DENND3: variants seen among roughly 807,000 people sequenced by gnomAD.
DENND3 encodes DENN domain-containing protein 3.
In DENND3, 88 loss-of-function variants were observed where a neutral mutation model predicts 135.1. That is an observed-to-expected ratio of 0.65 (90% CI 0.55 to 0.78). The LOEUF (loss-of-function observed/expected upper bound fraction) is 0.78, where lower values mean the gene tolerates loss of function less well. Ranked by LOEUF, DENND3 falls within the 30% of genes least tolerant of loss-of-function variation. DENND3 has a pLI of 0.00. For missense variants in DENND3, 1,392 were observed against 1,688.4 expected, an observed-to-expected ratio of 0.82 and a Z score of 3.08; for synonymous variants, 693 against 712.3, an observed-to-expected ratio of 0.97 and a Z score of 0.43.
chr8:141,174,041 G>A lies in DENND3; in HGVS notation c.2276-1159G>A, dbSNP rs185187963. Among the ~76,000 whole-genome samples the A allele has an allele frequency of 7.0e-4, 107 of 152,154 alleles. 1 individual carries two copies. The highest frequency in any genetic ancestry group is 5.9e-5 in the Non-Finnish European group (4 of 68,030). ...ATGTCTCTGCCTTATCGGGGAAGGC[G>A]TGCGTGGGCATGCCTACCTGGGTGT... On this transcript the variant is annotated intron_variant, in intron 13 of 22. Transcript: ENST00000519811. The surrounding 1 kb of genome is among the most constrained non-coding windows in gnomAD (Gnocchi z 4.6).
intron 4 of DENND3, chr8:141,142,179 A>G: frequency 3.0e-6 from 1 of 336,088 alleles, no homozygotes; most frequent in Non-Finnish European, 5.9e-6. Flanking sequence ...TGCTTTTGTG[A>G]TGTTGGGGGC....
chr8:141,159,569 C>T (rs1273792832), intron 8 of DENND3, among the ~76,000 whole-genome samples: 1 of 152,204 alleles, frequency 6.6e-6, no homozygotes, highest in Non-Finnish European at 1.5e-5. Flanking sequence ...GTCTCTTTTC[C>T]TACTTCCTCC....
At position 141,175,578 on chromosome 8, in the gene DENND3, A is replaced by G; in HGVS notation, c.2535+119A>G. 6.7e-7 allele frequency: 1 copy of G among 1,483,664 alleles called. No individual in the cohort carries two copies. 91.9% of individuals were successfully genotyped at this position (1,483,664 alleles called of 1,614,324 possible). On this transcript the variant is annotated intron_variant, in intron 14 of 22. Transcript: ENST00000519811. The surrounding 1 kb of genome is among the most constrained non-coding windows in gnomAD (Gnocchi z 5.4). ...AGTACCAGCTGCAGCCCTTCTGCAG[A>G]CCGAATGCCTTCCTGTCCCTCAGTT... is the stretch of plus-strand genomic sequence containing the variant.
intron 5 of DENND3, 138 bp from the exon 6 acceptor site, chr8:141,150,696 G>A (rs2154612927): frequency 8.7e-7 from 1 of 1,144,812 alleles, no homozygotes; most frequent in African/African-American, 1.6e-5. Flanking sequence ...TTATTCTGCA[G>A]AATTTAACGT....
At chr8:141,161,385 C>G (rs1820115186) in intron 9 of DENND3, among the ~76,000 whole-genome samples, 1 of 152,230 alleles carries the variant, frequency 6.6e-6, no homozygotes, top group South Asian at 2.1e-4. Flanking sequence ...CCACTAATTA[C>G]AGCATTAGCT....
rs1351654653 is a variant in DENND3, at chr8:141,182,946, G to A, written c.2944+2092G>A. The stretch of plus-strand genomic sequence containing the variant: ...ACTGGAATCGCACCCCAGAAAGACC[G>A]GGAGGCCTGCCCTTCTGGACTCAGG... On this transcript the variant is annotated intron_variant, in intron 17 of 22. Coordinates refer to ENST00000519811, the MANE Select transcript of DENND3 (RefSeq NM_001352890.3). The surrounding 1 kb of genome is among the most constrained non-coding windows in gnomAD (Gnocchi z 5.9). 2.0e-5 allele frequency among the ~76,000 whole-genome samples: 3 copies of A among 152,334 alleles called. No individual in the cohort carries two copies. Among genetic ancestry groups the A allele is most frequent in the South Asian group, 2.1e-4 (1 of 4,828 alleles).
At chr8:141,142,523 T>G (rs1449696078) in intron 4 of DENND3, 4 of 378,218 alleles carry the variant, frequency 1.1e-5, no homozygotes, top group African/African-American at 2.2e-5. Flanking sequence ...GTGGTTTACT[T>G]CTTAAAATAT....
chr8:141,137,873 G>A lies in DENND3; in HGVS notation c.386-149G>A. On this transcript the variant is annotated intron_variant, in intron 2 of 22. Transcript: ENST00000519811. This position sits in a 1 kb window ranked among gnomAD's most constrained non-coding sequence, Gnocchi z 4.1. ...AGGGAGGATAGACGGCCGGAGGCGT[G>A]ATCGGAAGAATGAACCCGCCTTGGA... 3 of 699,922 alleles carry A rather than the reference G, an allele frequency of 4.3e-6. No homozygotes were observed. Among genetic ancestry groups the A allele is most frequent in the South Asian group, 4.0e-5 (2 of 50,562 alleles). 43.4% of individuals were successfully genotyped at this position (699,922 alleles called of 1,614,324 possible). A position where few individuals can be genotyped will look rare whatever the true frequency, so the allele number is the denominator to read the frequency against.
chr8:141,176,770 C>A lies in DENND3; in HGVS notation c.2706+9C>A. 1 of 1,611,258 alleles carries A rather than the reference C, an allele frequency of 6.2e-7. No individual in the cohort carries two copies. The highest frequency in any genetic ancestry group is 8.5e-7 in the Non-Finnish European group (1 of 1,178,198). On this transcript the variant is annotated intron_variant, in intron 15 of 22. Coordinates refer to ENST00000519811, the MANE Select transcript of DENND3 (RefSeq NM_001352890.3). ...TGGCCGATGACCACAAGGTGGGAGA[C>A]GCGGGTCCCCTCTGCCCTTTGCTGT...
rs368059800 is a variant in DENND3 at position 141,194,260 on chromosome 8, T to G, written c.*27T>G. On this transcript the variant is annotated 3_prime_UTR_variant, in exon 23 of 23. Coordinates refer to ENST00000519811, the MANE Select transcript of DENND3 (RefSeq NM_001352890.3). ...CGTGGCTGAGTCTGCCAAGTGGAAC[T>G]GTGCCCTATGTGTGGGGACTGGCTG... 18 of 1,602,860 alleles carry G rather than the reference T, an allele frequency of 1.1e-5. No individual in the cohort carries two copies. Among genetic ancestry groups the G allele is most frequent in the Non-Finnish European group, 1.5e-5 (18 of 1,176,182 alleles).
In DENND3 at chr8:141,175,406, C is replaced by A; in HGVS notation, c.2482C>A (p.Leu828Ile). Residue 828 changes from leucine to isoleucine, a missense_variant, in exon 14 of 23, where the codon CTA (leucine) becomes ATA (isoleucine). Leu to Ile is a conservative substitution (Grantham distance 5, BLOSUM62 2). Transcript: ENST00000519811. This position sits in a 1 kb window ranked among gnomAD's most constrained non-coding sequence, Gnocchi z 5.4. Reference sequence around the variant, plus strand: ...CATGACCCAGAAGCGCCTGTTCCTCCTAACCGAAGGAAGGCCAGGCTACTT... The same window carrying A: ...CATGACCCAGAAGCGCCTGTTCCTCATAACCGAAGGAAGGCCAGGCTACTT... ...IAMTQKRLFLLTEGRPGYLEI... is the reference protein window; with the variant it reads ...IAMTQKRLFLITEGRPGYLEI... 1 of 1,614,192 alleles carries A rather than the reference C, an allele frequency of 6.2e-7. No homozygotes were observed. Among genetic ancestry groups the A allele is most frequent in the Non-Finnish European group, 8.5e-7 (1 of 1,180,028 alleles).
intron 5 of DENND3, among the ~76,000 whole-genome samples, chr8:141,149,221 A>G (rs1311866048): frequency 6.6e-6 from 1 of 152,182 alleles, no homozygotes; most frequent in African/African-American, 2.4e-5. Flanking sequence ...AATTTGCCTT[A>G]TTTTTAACAT....
chr8:141,148,071 C>T (rs1818373348), intron 5 of DENND3, among the ~76,000 whole-genome samples: 1 of 152,140 alleles, frequency 6.6e-6, no homozygotes, highest in African/African-American at 2.4e-5. Flanking sequence ...TCAGTGTAGG[C>T]CAAGGTTCTC....
At chr8:141,186,700 T>A (rs1823936740) in intron 18 of DENND3, among the ~76,000 whole-genome samples, 1 of 152,222 alleles carries the variant, frequency 6.6e-6, no homozygotes, top group Non-Finnish European at 1.5e-5. Flanking sequence ...TGTTAATACA[T>A]TTTTAGTAGT....
chr8:141,193,734 A>G (rs1395910086), intron 22 of DENND3: 3 of 486,926 alleles, frequency 6.2e-6, no homozygotes, highest in Admixed American at 3.3e-5. Flanking sequence ...GCTAATTACC[A>G]TATCTGTCAC....
At chr8:141,158,296 C>T (rs1819696082) in intron 8 of DENND3, 1 of 1,283,272 alleles carries the variant, frequency 7.8e-7, no homozygotes, top group African/African-American at 1.5e-5. Context: ...TGGTAAGCCA[C>T]AGCTGCTTCC....
chr8:141,150,769 G>T, intron 5 of DENND3, 65 bp from the exon 6 acceptor site: 1 of 1,502,448 alleles, frequency 6.7e-7, no homozygotes. Flanking sequence ...AATAGTGACA[G>T]TAGTGCACGT....
chr8:141,179,924 C>T (rs572430618), intron 16 of DENND3, among the ~76,000 whole-genome samples: 22 of 152,282 alleles, frequency 1.4e-4, no homozygotes, highest in Middle Eastern at 6.8e-3. Flanking sequence ...GAGGTCGAGG[C>T]GCCCGCAGGG....
chr8:141,185,391 G>A (rs1184602803), intron 18 of DENND3, 113 bp downstream of exon 18: 10 of 1,404,272 alleles, frequency 7.1e-6, no homozygotes, highest in African/African-American at 1.4e-5. Flanking sequence ...AGCCTCACTC[G>A]GTTTCTGTAA....
Sources: gnomAD v4.1 joint callset for allele counts (sites outside exome capture counted in the v4.1 genomes callset) on GRCh38, gnomAD v4.1.1 for gene constraint, Gnocchi (gnomAD v3.1) non-coding constraint, MANE v1.5 for transcripts, NCBI Gene and HGNC (gene_info 2026-07-23, HGNC 2026-07-21) for gene names.